The following SYTL3 variants were observed in gnomAD, a reference collection of about 807,000 sequenced individuals.
SYTL3 encodes the protein synaptotagmin-like protein 3.
In SYTL3, 88 loss-of-function variants were observed where a neutral mutation model predicts 82.1. That is an observed-to-expected ratio of 1.07 (90% CI 0.90 to 1.28). The LOEUF is 1.28. SYTL3 is among the 50% of genes most tolerant of loss of function. The pLI is 0.00. For synonymous variants in SYTL3, 311 were observed against 289.4 expected (o/e 1.07, Z -0.76); for missense variants, 831 against 757.6 (o/e 1.10, Z -1.14).
At chr6:158,669,275 C>T (rs1777099307) in intron 5 of SYTL3, among the ~76,000 whole-genome samples, 1 of 152,158 alleles carries the variant, frequency 6.6e-6, no homozygotes. Flanking sequence ...TAAAAGAAAC[C>T]TGGTCTTCTC....
chr6:158,668,570 A>G (rs1776994090), intron 5 of SYTL3, among the ~76,000 whole-genome samples: 1 of 152,180 alleles, frequency 6.6e-6, no homozygotes, highest in Non-Finnish European at 1.5e-5. Flanking sequence ...TGCCTCCAAG[A>G]CAGTAGGAGC....
intron 10 of SYTL3, among the ~76,000 whole-genome samples, chr6:158,719,220 T>C (rs1006429060): frequency 6.6e-6 from 1 of 152,244 alleles, no homozygotes; most frequent in South Asian, 2.1e-4. Flanking sequence ...ATAGCTTAAC[T>C]AGGCTATCTC....
At chr6:158,721,441 G>A (rs535813397) in intron 10 of SYTL3, among the ~76,000 whole-genome samples, 2 of 151,546 alleles carry the variant, frequency 1.3e-5, no homozygotes, top group South Asian at 2.1e-4. Context: ...AAACTCCTGG[G>A]CTCAAGCAAT....
At chr6:158,728,869 T>A (rs1251134787) in intron 11 of SYTL3, among the ~76,000 whole-genome samples, 1 of 151,628 alleles carries the variant, frequency 6.6e-6, no homozygotes, top group Non-Finnish European at 1.5e-5. Flanking sequence ...TAAAAAAATA[T>A]AAATAAATAA....
intron 12 of SYTL3, among the ~76,000 whole-genome samples, chr6:158,749,470 C>A (rs1307013438): frequency 1.5e-5 from 2 of 129,698 alleles, no homozygotes; most frequent in South Asian, 5.2e-4. Context: ...ATAAATTTAA[C>A]AGCTTAGATG....
chr6:158,751,301 G>C (rs1189840594), intron 12 of SYTL3, among the ~76,000 whole-genome samples: 1 of 152,114 alleles, frequency 6.6e-6, no homozygotes, highest in Non-Finnish European at 1.5e-5. Flanking sequence ...TGCCAGAGGA[G>C]CCATGAAGGG....
chr6:158,678,196 A>G (rs1478039613), intron 5 of SYTL3, among the ~76,000 whole-genome samples: 1 of 152,148 alleles, frequency 6.6e-6, no homozygotes, highest in Non-Finnish European at 1.5e-5. Context: ...AAGTTTTTGT[A>G]GTTCATGTGT....
Position 158,663,294 on chromosome 6 carries a change from C to A in SYTL3, c.26C>A (p.Ala9Asp). 1.2e-6 allele frequency: 2 copies of A among 1,614,150 alleles called. No individual in the cohort carries two copies. The highest frequency in any genetic ancestry group is 1.7e-6 in the Non-Finnish European group (2 of 1,180,026). MAQEIDLS[A>D]LKELEREAIL... ...ATGGCCCAAGAAATAGATCTGAGTG[C>A]TCTCAAGGAGTTAGAACGCGAGGCC... Residue 9 changes from alanine to aspartate, a missense_variant, in exon 4 of 18, where the codon GCT (alanine) becomes GAT (aspartate). By Grantham distance (126) the Ala-to-Asp change is moderately radical (BLOSUM62 -2). Coordinates refer to ENST00000611299, the MANE Select transcript of SYTL3 (RefSeq NM_001242394.2).
intron 15 of SYTL3, among the ~76,000 whole-genome samples, chr6:158,761,740 A>T (rs1450419293): frequency 2.6e-5 from 4 of 152,190 alleles, no homozygotes; most frequent in Admixed American, 2.0e-4. Flanking sequence ...CCTCCTAGAC[A>T]GGGTCTCGGG....
chr6:158,745,705 A>G, intron 12 of SYTL3, 47 bp downstream of exon 12: 2 of 1,428,600 alleles, frequency 1.4e-6, no homozygotes, highest in South Asian at 1.4e-5. Context: ...TGATTCCAAA[A>G]TGTATATGAA....
chr6:158,706,417 T>C (rs763967552), intron 6 of SYTL3, among the ~76,000 whole-genome samples: 8 of 152,186 alleles, frequency 5.3e-5, no homozygotes, highest in Non-Finnish European at 1.2e-4. Flanking sequence ...GAAGTGATGT[T>C]TCCATATGTA....
intron 14 of SYTL3, among the ~76,000 whole-genome samples, chr6:158,759,914 C>T (rs890897663): frequency 1.8e-4 from 28 of 151,826 alleles, no homozygotes; most frequent in African/African-American, 6.5e-4. Context: ...TTTTTAAGCT[C>T]ATCAGCTGTT....
chr6:158,678,971 A>T (rs1756272522), intron 5 of SYTL3, among the ~76,000 whole-genome samples: 1 of 152,210 alleles, frequency 6.6e-6, no homozygotes, highest in Non-Finnish European at 1.5e-5. Context: ...TTCTTTGGTT[A>T]CTAATGAATC....
chr6:158,683,276 A>G (rs1778932114), intron 6 of SYTL3, among the ~76,000 whole-genome samples: 1 of 135,086 alleles, frequency 7.4e-6, no homozygotes, highest in Non-Finnish European at 1.5e-5. Context: ...GCTGGAGTGC[A>G]GTGGCACAAT....
At chr6:158,753,732 A>G (rs964709947) in intron 13 of SYTL3, among the ~76,000 whole-genome samples, 35 of 151,218 alleles carry the variant, frequency 2.3e-4, no homozygotes, top group Non-Finnish European at 1.5e-5. Flanking sequence ...TCCGTCTCAA[A>G]AAAAAAAAAA....
chr6:158,645,730 C>A (rs1177036435), upstream of SYTL3, among the ~76,000 whole-genome samples: 1 of 152,130 alleles, frequency 6.6e-6, no homozygotes, highest in Admixed American at 6.5e-5. Flanking sequence ...CTTATTAGAG[C>A]CCTTCAAGAG....
chr6:158,704,070 G>A (rs1159176871), intron 6 of SYTL3, among the ~76,000 whole-genome samples: 1 of 151,650 alleles, frequency 6.6e-6, no homozygotes, highest in Non-Finnish European at 1.5e-5. Context: ...CAAGTGATCC[G>A]CCTGCCTCAG....
chr6:158,732,117 A>G (rs1348759644), intron 11 of SYTL3, among the ~76,000 whole-genome samples: 1 of 152,232 alleles, frequency 6.6e-6, no homozygotes, highest in African/African-American at 2.4e-5. Flanking sequence ...TCCTTCTGAA[A>G]CAAAATCTCT....
intron 5 of SYTL3, among the ~76,000 whole-genome samples, chr6:158,671,622 G>A (rs1402725745): frequency 2.6e-5 from 4 of 151,600 alleles, no homozygotes; most frequent in East Asian, 3.9e-4. Flanking sequence ...AAAATTAGCC[G>A]GGCATGATGG....
Sources: allele counts gnomAD v4.1 joint callset (sites outside exome capture counted in the v4.1 genomes callset), GRCh38; gene constraint gnomAD v4.1.1; transcripts MANE v1.5; gene names NCBI Gene and HGNC (gene_info 2026-07-23, HGNC 2026-07-21).